TTC1: variants seen among roughly 807,000 people sequenced by gnomAD.
The protein encoded by TTC1 is tetratricopeptide repeat protein 1.
Under a neutral mutation model 37.6 loss-of-function variants are expected in TTC1, and 31 were observed. The observed-to-expected ratio is 0.82, with a 90% CI of 0.62 to 1.11. The LOEUF (loss-of-function observed/expected upper bound fraction) is 1.11. Among genes scored for constraint, TTC1 ranks in the 50% most tolerant of loss-of-function variants. TTC1 has a pLI of 0.00. For synonymous variants in TTC1, 127 were observed against 122.4 expected (o/e 1.04, Z -0.25); for missense variants, 351 against 339.0 (o/e 1.04, Z -0.28).
intron 2 of TTC1, among the ~76,000 whole-genome samples, chr5:160,031,301 C>T (rs1756903641): frequency 6.6e-6 from 1 of 152,092 alleles, no homozygotes; most frequent in Non-Finnish European, 1.5e-5. Flanking sequence ...TGTGATTTAT[C>T]CGTTGAAACA....
intron 7 of TTC1, among the ~76,000 whole-genome samples, chr5:160,054,198 A>T (rs189219852): frequency 7.9e-5 from 12 of 152,314 alleles, no homozygotes; most frequent in Non-Finnish European, 1.6e-4. Context: ...GTGTGATGAG[A>T]TGGAAATAGA....
Position 160,050,191 on chromosome 5 carries a change from T to C in TTC1, c.690+529T>C, listed in dbSNP as rs1379545026. On this transcript the variant is annotated intron_variant, in intron 6 of 7. Coordinates refer to ENST00000231238, the MANE Select transcript of TTC1 (RefSeq NM_003314.3). ...GGCTGGGTGCAGTGGCTCACGCCTG[T>C]ACTCCCAGCACTTTGGGAGGCCGAG... 6.6e-5 allele frequency among the ~76,000 whole-genome samples: 10 copies of C among 152,190 alleles called. No homozygotes were observed. In the East Asian group the frequency reaches 1.7e-3, roughly 27 times the overall value.
chr5:160,050,953 G>A (rs973680483), intron 6 of TTC1, among the ~76,000 whole-genome samples, 176 bp from the exon 7 acceptor site: 5 of 146,306 alleles, frequency 3.4e-5, no homozygotes, highest in Admixed American at 6.9e-5. Flanking sequence ...TTTATGTAGC[G>A]CACCACAAAC....
At chr5:160,042,149 C>T (rs1340660805) in intron 4 of TTC1, among the ~76,000 whole-genome samples, 2 of 151,776 alleles carry the variant, frequency 1.3e-5, no homozygotes, top group South Asian at 2.1e-4. Flanking sequence ...AGGCTGGTCT[C>T]GAACTCCTGA....
At chr5:160,020,086 AC>A (rs1441667601) in intron 2 of TTC1, among the ~76,000 whole-genome samples, 5 of 150,930 alleles carry the variant, frequency 3.3e-5, no homozygotes, top group African/African-American at 1.2e-4. Flanking sequence ...CCACCACCAC[AC>A]CCAGCTAATT....
At chr5:160,049,784 A>T (rs1561637003) in intron 6 of TTC1, 122 bp downstream of exon 6, 1 of 926,996 alleles carries the variant, frequency 1.1e-6, no homozygotes, top group Non-Finnish European at 1.5e-6. Flanking sequence ...GAGCTTATCA[A>T]GATATATGGG....
intron 2 of TTC1, among the ~76,000 whole-genome samples, chr5:160,024,236 C>T (rs989450872): frequency 1.3e-5 from 2 of 152,110 alleles, no homozygotes; most frequent in African/African-American, 4.8e-5. Flanking sequence ...AAAATTATTT[C>T]CCAGGTGGAG....
rs57919333 is a variant in TTC1 at position 160,045,454 on chromosome 5, C to CCACACACACACA, written c.541+2334_541+2345dup. Among the ~76,000 whole-genome samples, 51 of 38,900 alleles carry CCACACACACACA rather than the reference C, an allele frequency of 1.3e-3. 3 individuals are homozygous for CCACACACACACA. Among genetic ancestry groups the CCACACACACACA allele is most frequent in the Non-Finnish European group, 1.9e-3 (40 of 20,860 alleles). 25.5% of individuals were successfully genotyped at this position (38,900 alleles called of 152,430 possible). ...GAGAGCCCCCGACATCCCCCACCCT[C>CCACACACACACA]CACACACACACACACACACACACAC... On this transcript the variant is annotated intron_variant, in intron 5 of 7. Transcript: ENST00000231238.
At chr5:160,033,598 A>T (rs1278907420) in intron 2 of TTC1, among the ~76,000 whole-genome samples, 1 of 152,258 alleles carries the variant, frequency 6.6e-6, no homozygotes, top group Non-Finnish European at 1.5e-5. Flanking sequence ...TCACAGTTCC[A>T]CATGGCTATA....
chr5:160,028,541 T>A (rs1339207701), intron 2 of TTC1, among the ~76,000 whole-genome samples: 3 of 152,296 alleles, frequency 2.0e-5, no homozygotes, highest in African/African-American at 7.2e-5. Flanking sequence ...TATAGTGCAG[T>A]GGCACAATCA....
At chr5:160,017,734 G>A (rs1317276914) in intron 2 of TTC1, among the ~76,000 whole-genome samples, 2 of 152,158 alleles carry the variant, frequency 1.3e-5, no homozygotes, top group African/African-American at 2.4e-5. Context: ...ACTGTCACAG[G>A]TTTTGCACAA....
At position 160,049,659 on chromosome 5, in the gene TTC1, T is replaced by C. The variant is rs1459669063; in HGVS notation, c.687T>C (p.Cys229=). 2.7e-5 allele frequency: 42 copies of C among 1,574,744 alleles called. No individual in the cohort carries two copies. In the East Asian group the frequency reaches 9.5e-4, roughly 36 times the overall value. The change falls in exon 6 of 8, where the codon TGT becomes TGC. Residue 229 remains cysteine (C), a synonymous_variant. Transcript: ENST00000231238. ...CAATACATCAAGCAAGAGAAGCTTG[T>C]ATGGTAAAACCTAAAATTTTAAAAA... is the stretch of plus-strand genomic sequence containing the variant. The part of the protein sequence containing the change: ...DPSIHQAREA[C]MRLPKQIEER...
chr5:160,033,114 T>A (rs1178838209), intron 2 of TTC1, among the ~76,000 whole-genome samples: 1 of 152,100 alleles, frequency 6.6e-6, no homozygotes, highest in African/African-American at 2.4e-5. Context: ...CCCCTAAAGT[T>A]TTTTGCTTAA....
intron 4 of TTC1, chr5:160,039,131 T>A (rs1331364546): frequency 6.6e-6 from 1 of 152,172 alleles, no homozygotes; most frequent in Admixed American, 6.5e-5. Flanking sequence ...AAAGGCAGGT[T>A]TGCAAGCTCA....
At chr5:160,031,412 G>GAC (rs1756906290) in intron 2 of TTC1, among the ~76,000 whole-genome samples, 1 of 152,006 alleles carries the variant, frequency 6.6e-6, no homozygotes. Flanking sequence ...TGGAGTTCAA[G>GAC]ACCAGCCTGG....
intron 6 of TTC1, among the ~76,000 whole-genome samples, chr5:160,050,647 T>G (rs1381306537): frequency 1.7e-5 from 2 of 114,704 alleles, no homozygotes; most frequent in South Asian, 5.7e-4. Flanking sequence ...TTTTTTTTTT[T>G]GAGAAAGGGT....
chr5:160,039,167 C>T (rs1388373050), intron 4 of TTC1: 1 of 152,150 alleles, frequency 6.6e-6, no homozygotes, highest in Admixed American at 6.5e-5. Context: ...TGCCCCTGGC[C>T]ACGCTTCACA....
At chr5:160,058,520 C>T (rs970025710) in intron 7 of TTC1, among the ~76,000 whole-genome samples, 5 of 151,196 alleles carry the variant, frequency 3.3e-5, no homozygotes, top group African/African-American at 1.2e-4. Flanking sequence ...ACGCCATTCT[C>T]CTGCCTCAGC....
At chr5:160,049,419 A>G in intron 5 of TTC1, 95 bp from the exon 6 acceptor site, 1 of 1,202,424 alleles carries the variant, frequency 8.3e-7, no homozygotes, top group Non-Finnish European at 1.1e-6. Flanking sequence ...TTCCTTTCGT[A>G]TCCTTGGAGG....
Sources: gnomAD v4.1 joint callset for allele counts (sites outside exome capture counted in the v4.1 genomes callset) on GRCh38, gnomAD v4.1.1 for gene constraint, MANE v1.5 for transcripts, NCBI Gene and HGNC (gene_info 2026-07-23, HGNC 2026-07-21) for gene names.